Variants in MDGA2 observed in about 807,000 individuals in gnomAD.
MDGA2 encodes the protein MAM domain containing glycosylphosphatidylinositol anchor 2, also known as MAM domain-containing glycosylphosphatidylinositol anchor protein 2.
Under a neutral mutation model 117.8 loss-of-function variants are expected in MDGA2, and 40 were observed. The ratio of observed to expected loss-of-function variants is 0.34; its 90% CI spans 0.26 to 0.44. The LOEUF (loss-of-function observed/expected upper bound fraction) is 0.44, where lower values mean the gene tolerates loss of function less well. MDGA2 is among the 20% of genes least tolerant of loss of function. The pLI is 1.00. For synonymous variants in MDGA2, 452 were observed against 439.0 expected, an observed-to-expected ratio of 1.03 and a Z score of -0.37; for missense variants, 1,123 against 1,250.6, an observed-to-expected ratio of 0.90 and a Z score of 1.54.
chr14:46,949,153 C>A (rs1211805683), intron 9 of MDGA2, among the ~76,000 whole-genome samples: 1 of 151,966 alleles, frequency 6.6e-6, no homozygotes, highest in Admixed American at 6.6e-5. Context: ...GGAAGCAAGG[C>A]CACAAAGAAT....
intron 14 of MDGA2, among the ~76,000 whole-genome samples, chr14:46,862,701 CTG>C (rs1881562256): frequency 6.6e-6 from 1 of 151,934 alleles, no homozygotes; most frequent in South Asian, 2.1e-4. Context: ...CACAGACTTA[CTG>C]AGTTTCACAT....
At chr14:47,660,254 C>T (rs1313984516) in intron 1 of MDGA2, among the ~76,000 whole-genome samples, 9 of 152,174 alleles carry the variant, frequency 5.9e-5, no homozygotes, top group Non-Finnish European at 1.5e-5. Flanking sequence ...AAAACATCAG[C>T]TGCTTAGAAA....
intron 1 of MDGA2, among the ~76,000 whole-genome samples, chr14:47,314,593 C>G (rs146156350): frequency 6.6e-6 from 1 of 151,762 alleles, no homozygotes; most frequent in East Asian, 1.9e-4. Context: ...TGGGAGGGTC[C>G]CTTGAGTCCA....
intron 3 of MDGA2, among the ~76,000 whole-genome samples, chr14:47,190,535 T>C (rs1483955120): frequency 1.3e-5 from 2 of 152,092 alleles, no homozygotes; most frequent in Non-Finnish European, 2.9e-5. Flanking sequence ...TTCCCAGAAA[T>C]AGACCTTAAA....
chr14:47,391,851 C>T lies in MDGA2; in HGVS notation c.281-90301G>A, dbSNP rs185550945. ...TATAAACCCCCTTTAATATAAGTAT[C>T]TCAAAGATTTGATTTAAGCAATTTA... On this transcript the variant is annotated intron_variant, in intron 1 of 16. Coordinates refer to ENST00000399232, the MANE Select transcript of MDGA2 (RefSeq NM_001113498.3). 1.0e-4 allele frequency among the ~76,000 whole-genome samples: 15 copies of T among 145,318 alleles called. No individual in the cohort carries two copies. In the East Asian group the frequency reaches 2.4e-3, roughly 23 times the overall value.
At chr14:46,961,892 T>C (rs770991152) in intron 8 of MDGA2, among the ~76,000 whole-genome samples, 1 of 152,158 alleles carries the variant, frequency 6.6e-6, no homozygotes, top group East Asian at 1.9e-4. Context: ...TCCACCTGCC[T>C]TGGCCTCCCA....
At chr14:47,252,572 T>C (rs959392310) in intron 2 of MDGA2, among the ~76,000 whole-genome samples, 6 of 152,188 alleles carry the variant, frequency 3.9e-5, no homozygotes, top group South Asian at 4.1e-4. Flanking sequence ...TAATTTACTA[T>C]GTTTTTACTG....
intron 8 of MDGA2, among the ~76,000 whole-genome samples, chr14:46,975,764 C>T (rs983776215): frequency 6.6e-6 from 1 of 151,968 alleles, no homozygotes; most frequent in Non-Finnish European, 1.5e-5. Context: ...ATTTATTTCT[C>T]AGAGTTCTAA....
chr14:47,022,461 C>A (rs1303315160), intron 8 of MDGA2, among the ~76,000 whole-genome samples: 4 of 152,056 alleles, frequency 2.6e-5, no homozygotes, highest in Non-Finnish European at 4.4e-5. Context: ...ACTTACTGAT[C>A]TAGGCATTTT....
chr14:47,574,965 T>G (rs1896089412), intron 1 of MDGA2, among the ~76,000 whole-genome samples: 1 of 152,156 alleles, frequency 6.6e-6, no homozygotes, highest in Non-Finnish European at 1.5e-5. Flanking sequence ...GGGGCATAAG[T>G]GCATGAGTAT....
intron 1 of MDGA2, among the ~76,000 whole-genome samples, chr14:47,537,573 T>TAAAAAAAAAAAAAAAA (rs1566504353): frequency 7.0e-5 from 4 of 57,104 alleles, no homozygotes; most frequent in African/African-American, 1.2e-4. Context: ...CTTCTCTCTG[T>TAAAAAAAAAAAAAAAA]TAAAAAAAAA....
intron 1 of MDGA2, among the ~76,000 whole-genome samples, chr14:47,439,070 T>C (rs1892950966): frequency 6.6e-6 from 1 of 152,118 alleles, no homozygotes; most frequent in South Asian, 2.1e-4. Flanking sequence ...TTAGGTCCTT[T>C]TGTCTTGCTC....
chr14:47,387,544 CTAAA>C (rs777536682), intron 1 of MDGA2, among the ~76,000 whole-genome samples: 6 of 152,058 alleles, frequency 3.9e-5, no homozygotes, highest in Non-Finnish European at 5.9e-5. Flanking sequence ...GCAATTTCAG[CTAAA>C]TAAAGTAAAA....
At chr14:47,174,684 C>G (rs541344535) in intron 3 of MDGA2, among the ~76,000 whole-genome samples, 273 of 152,074 alleles carry the variant, frequency 1.8e-3, no homozygotes, top group Non-Finnish European at 2.5e-3. Context: ...TAAACGCCCA[C>G]AAGAGAAAGC....
At chr14:47,136,033 TCTC>T (rs760982135) in intron 4 of MDGA2, among the ~76,000 whole-genome samples, 1 of 152,160 alleles carries the variant, frequency 6.6e-6, no homozygotes, top group Middle Eastern at 3.4e-3. Flanking sequence ...ACGCTACTAA[TCTC>T]CTCTTTCTAA....
Position 47,674,914 on chromosome 14 carries a change from A to T in MDGA2, c.-118T>A. 1 of 528,408 alleles carries T rather than the reference A, an allele frequency of 1.9e-6. No individual in the cohort carries two copies. Among genetic ancestry groups the T allele is most frequent in the South Asian group, 2.6e-5 (1 of 38,890 alleles). The allele number at this position is 528,408 out of a possible 1,614,324, so 32.7% of individuals were successfully genotyped here. A position where few individuals can be genotyped will look rare whatever the true frequency, so the allele number is the denominator to read the frequency against. ...GGGAAAATCGCAGACGCCGGGGAGG[A>T]GCAGGGGGCGGTGATGGGAAGGGGA... On this transcript the variant is annotated 5_prime_UTR_variant, in exon 1 of 17. Transcript: ENST00000399232.
chr14:47,114,743 T>C (rs1881229156), intron 5 of MDGA2, among the ~76,000 whole-genome samples: 1 of 152,148 alleles, frequency 6.6e-6, no homozygotes, highest in Non-Finnish European at 1.5e-5. Context: ...ACTAGGCCAC[T>C]TCCTTACACC....
intron 6 of MDGA2, among the ~76,000 whole-genome samples, chr14:47,079,283 A>T (rs1890612592): frequency 6.6e-6 from 1 of 152,204 alleles, no homozygotes; most frequent in East Asian, 1.9e-4. Context: ...CTCACTGCTC[A>T]AAACAATGGA....
chr14:47,067,545 T>C (rs1890130004), intron 6 of MDGA2, among the ~76,000 whole-genome samples: 1 of 152,188 alleles, frequency 6.6e-6, no homozygotes, highest in Admixed American at 6.5e-5. Context: ...GTTATAAAAA[T>C]ATATTTCAGA....
Sources: allele counts gnomAD v4.1 joint callset (sites outside exome capture counted in the v4.1 genomes callset), GRCh38; gene constraint gnomAD v4.1.1; transcripts MANE v1.5; gene names NCBI Gene and HGNC (gene_info 2026-07-23, HGNC 2026-07-21).